HLA-DPA1: variants seen among roughly 807,000 people sequenced by gnomAD.
The protein encoded by HLA-DPA1 is major histocompatibility complex, class II, DP alpha 1.
Under a neutral mutation model 21.5 loss-of-function variants are expected in HLA-DPA1, and 20 were observed. The observed-to-expected ratio is 0.93, with a 90% CI of 0.66 to 1.35. The LOEUF (loss-of-function observed/expected upper bound fraction) is 1.35. HLA-DPA1 is among the 40% of genes most tolerant of loss of function. The pLI is 0.00. For synonymous variants in HLA-DPA1, 123 were observed against 129.6 expected (o/e 0.95, Z 0.35); for missense variants, 279 against 323.0 (o/e 0.86, Z 1.05).
chr6:33,069,944 T>G (rs1451185824), intron 2 of HLA-DPA1, 58 bp from the exon 2 acceptor site: 1 of 1,510,220 alleles, frequency 6.6e-7, no homozygotes, highest in African/African-American at 1.4e-5. Flanking sequence ...ATGCAAGTGG[T>G]CAAAGCTAGA....
intron 2 of HLA-DPA1, among the ~76,000 whole-genome samples, chr6:33,073,074 T>A (rs1762357883): frequency 6.6e-6 from 1 of 152,206 alleles, no homozygotes; most frequent in African/African-American, 2.4e-5. Flanking sequence ...GGTCACTGTG[T>A]GCAGGAATCT....
rs1762517659 is a variant in HLA-DPA1 at position 33,076,049 on chromosome 6, T to C, written c.-99-2380A>G. The stretch of plus-strand genomic sequence containing the variant: ...CCATCCTTTTCCAGCTCCATGATGG[T>C]TCTGCAGGTTTCTGCGGCCCCCCGG... On this transcript the variant is annotated intron_variant, in intron 1 of 5. Coordinates refer to ENST00000419277, the Ensembl canonical transcript of HLA-DPA1. 3 of 1,611,712 alleles carry C rather than the reference T, an allele frequency of 1.9e-6. No individual in the cohort carries two copies. The East Asian group carries it at 6.7e-5, about 36-fold the overall frequency.
At chr6:33,070,425 T>C (rs1762223374) in intron 2 of HLA-DPA1, among the ~76,000 whole-genome samples, 1 of 152,170 alleles carries the variant, frequency 6.6e-6, no homozygotes, top group South Asian at 2.1e-4. Context: ...ATGACACAGA[T>C]GTAAAATTGT....
Position 33,078,887 on chromosome 6 carries a change from G to C in HLA-DPA1, c.-100+1793C>G, listed in dbSNP as rs541483212. Among the ~76,000 whole-genome samples the C allele has an allele frequency of 1.9e-3, 282 of 152,358 alleles. 4 individuals are homozygous for C. The highest frequency in any genetic ancestry group is 2.5e-3 in the Non-Finnish European group (170 of 68,038). On this transcript the variant is annotated intron_variant, in intron 1 of 5. Coordinates refer to ENST00000419277, the Ensembl canonical transcript of HLA-DPA1. ...AATCCACACTCAGAGTGGGGCAATT[G>C]AACAGGCAGGGGCGGATGGATGGCA... is the stretch of plus-strand genomic sequence containing the variant.
chr6:33,072,615 A>G (rs550738372), intron 2 of HLA-DPA1, among the ~76,000 whole-genome samples: 1 of 152,198 alleles, frequency 6.6e-6, no homozygotes, highest in African/African-American at 2.4e-5. Context: ...CACATCTTAA[A>G]TAAAACTGTC....
chr6:33,080,546 AC>A lies in HLA-DPA1; in HGVS notation c.-100+133del, dbSNP rs1324633609. On this transcript the variant is annotated intron_variant, in intron 1 of 5. Transcript: ENST00000419277. The surrounding 1 kb of genome is among the most constrained non-coding windows in gnomAD (Gnocchi z 4.3). ...GACCACAGAACTCGGTACTAGGAAA[AC>A]TCCTATTTTAAAATCCAGCCCTGGG... 1.4e-6 allele frequency: 2 copies of A among 1,399,904 alleles called. No individual in the cohort carries two copies. Among genetic ancestry groups the A allele is most frequent in the Non-Finnish European group, 2.0e-6 (2 of 1,002,936 alleles). 86.7% of individuals were successfully genotyped at this position (1,399,904 alleles called of 1,614,324 possible).
chr6:33,068,771 G>T (rs56046206), exon 5 of HLA-DPA1: 1 of 1,613,028 alleles, frequency 6.2e-7, no homozygotes, highest in Non-Finnish European at 8.5e-7. Context: ...CACAGTCTCC[G>T]TTGTCTCAGG....
intron 1 of HLA-DPA1, among the ~76,000 whole-genome samples, chr6:33,077,067 C>G (rs2150367723): frequency 8.9e-6 from 1 of 112,390 alleles, no homozygotes; most frequent in South Asian, 3.8e-4. Context: ...TATCCCTCCC[C>G]CCTCCCCCCA....
In HLA-DPA1 at chr6:33,069,405, C is replaced by A. The variant is rs1001726438; in HGVS notation, c.347-105G>T. Reference sequence around the variant, plus strand: ...TCTACCTCAGCCTTAGATTTTATGGCAGCTCTGAATCACAGAGAGGGGTAT... The same window carrying A: ...TCTACCTCAGCCTTAGATTTTATGGAAGCTCTGAATCACAGAGAGGGGTAT... On this transcript the variant is annotated intron_variant, in intron 3 of 5. Coordinates refer to ENST00000419277, the Ensembl canonical transcript of HLA-DPA1. 4 of 1,218,166 alleles carry A rather than the reference C, an allele frequency of 3.3e-6. No homozygotes were observed. In the African/African-American group the frequency reaches 4.7e-5, roughly 14 times the overall value. 75.5% of individuals were successfully genotyped at this position (1,218,166 alleles called of 1,614,324 possible). A position where few individuals can be genotyped will look rare whatever the true frequency, so the allele number is the denominator to read the frequency against.
Position 33,069,359 on chromosome 6 carries a change from C to T in HLA-DPA1, c.347-59G>A. The T allele has an allele frequency of 3.3e-6, 5 of 1,526,340 alleles. No individual in the cohort carries two copies. In the East Asian group the frequency reaches 9.2e-5, roughly 28 times the overall value. 94.5% of individuals were successfully genotyped at this position (1,526,340 alleles called of 1,614,324 possible). A position where few individuals can be genotyped will look rare whatever the true frequency, so the allele number is the denominator to read the frequency against. On this transcript the variant is annotated intron_variant, in intron 3 of 5. Coordinates refer to ENST00000419277, the Ensembl canonical transcript of HLA-DPA1. ...TCTGGGATGAATCACAAAGGCTCCA[C>T]CTCTTAGGGGAGGGTGGTCCTCTAC...
chr6:33,080,648 C>T lies in HLA-DPA1; in HGVS notation c.-100+32G>A. The T allele has an allele frequency of 1.2e-6, 2 of 1,612,252 alleles. No homozygotes were observed. The highest frequency in any genetic ancestry group is 1.7e-6 in the Non-Finnish European group (2 of 1,179,260). ...GGATTAGATGAGAGTGGCGCCTCCG[C>T]TCATGTCCGCCCCCTCCCCGCAGAG... On this transcript the variant is annotated intron_variant, in intron 1 of 5. Coordinates refer to ENST00000419277, the Ensembl canonical transcript of HLA-DPA1. The surrounding 1 kb of genome is among the most constrained non-coding windows in gnomAD (Gnocchi z 4.3).
chr6:33,079,921 A>C, intron 1 of HLA-DPA1: 1 of 266,230 alleles, frequency 3.8e-6, no homozygotes, highest in South Asian at 3.6e-5. Flanking sequence ...AAAAAATTAC[A>C]TCAATGCCTC....
chr6:33,065,053 C>T (rs1331419780), exon 6 of HLA-DPA1: 2 of 152,086 alleles, frequency 1.3e-5, no homozygotes, highest in Admixed American at 6.5e-5. Flanking sequence ...AGGGTATTCT[C>T]GGGAAGGTGA....
chr6:33,076,141 G>C (rs779874572), intron 1 of HLA-DPA1: 9 of 1,600,416 alleles, frequency 5.6e-6, no homozygotes, highest in Middle Eastern at 1.6e-4. Context: ...GGCCACTCCA[G>C]GTAAGAGCCG....
At chr6:33,078,808 T>C (rs1221424943) in intron 1 of HLA-DPA1, among the ~76,000 whole-genome samples, 2 of 152,150 alleles carry the variant, frequency 1.3e-5, no homozygotes, top group Admixed American at 1.3e-4. Context: ...TGAAAAACGT[T>C]CTCTTACTGG....
At chr6:33,072,939 G>A (rs1373751384) in intron 2 of HLA-DPA1, among the ~76,000 whole-genome samples, 2 of 152,158 alleles carry the variant, frequency 1.3e-5, no homozygotes, top group African/African-American at 4.8e-5. Flanking sequence ...AGAAGAGAGG[G>A]AGGATACAGA....
exon 6 of HLA-DPA1, chr6:33,065,347 C>A (rs1175411147): frequency 6.6e-6 from 1 of 152,254 alleles, no homozygotes; most frequent in East Asian, 1.9e-4. Context: ...TATTTTGTCA[C>A]CTGCAGCAAC....
In HLA-DPA1 at chr6:33,080,703, C is replaced by T. The variant is rs1421339144; in HGVS notation, c.-123G>A. Reference sequence around the variant, plus strand: ...ACCTTTTCCAGGGACGGCAGGAATGCTACGCGTTTAATGGGACACAGCGCT... The same window carrying T: ...ACCTTTTCCAGGGACGGCAGGAATGTTACGCGTTTAATGGGACACAGCGCT... On this transcript the variant is annotated 5_prime_UTR_variant, in exon 1 of 6. Transcript: ENST00000419277. This position sits in a 1 kb window ranked among gnomAD's most constrained non-coding sequence, Gnocchi z 4.3. 1 of 1,613,116 alleles carries T rather than the reference C, an allele frequency of 6.2e-7. No homozygotes were observed. The highest frequency in any genetic ancestry group is 8.5e-7 in the Non-Finnish European group (1 of 1,179,724).
rs1361130599 is a variant in HLA-DPA1 at position 33,080,442 on chromosome 6, C to G, written c.-100+238G>C. The stretch of plus-strand genomic sequence containing the variant: ...CCCTCCCTAGTGATCACTCAGTGCC[C>G]CTGAGCTCATTCTTTTCAGTAAATT... On this transcript the variant is annotated intron_variant, in intron 1 of 5. Transcript: ENST00000419277. The surrounding 1 kb of genome is among the most constrained non-coding windows in gnomAD (Gnocchi z 4.3). The G allele has an allele frequency of 1.4e-6, 1 of 713,464 alleles. No individual in the cohort carries two copies. Among genetic ancestry groups the G allele is most frequent in the Non-Finnish European group, 2.6e-6 (1 of 390,152 alleles). The allele number at this position is 713,464 out of a possible 1,614,324, so 44.2% of individuals were successfully genotyped here.
Sources: allele counts gnomAD v4.1 joint callset (sites outside exome capture counted in the v4.1 genomes callset), GRCh38; gene constraint gnomAD v4.1.1; non-coding constraint Gnocchi (gnomAD v3.1); transcripts MANE v1.5; gene names NCBI Gene and HGNC (gene_info 2026-07-23, HGNC 2026-07-21).